Variants in ASMT observed in about 807,000 individuals in gnomAD.
The protein encoded by ASMT is acetylserotonin N-methyltransferase.
A neutral mutation model predicts 41.3 loss-of-function variants in ASMT; 53 were observed. That is an observed-to-expected ratio of 1.28 (90% CI 1.03 to 1.61). The LOEUF is 1.61. ASMT is among the 40% of genes most tolerant of loss of function. The probability of loss-of-function intolerance (pLI) is 0.00; values close to 1 mark genes in which losing one functional copy is unlikely to be tolerated. For synonymous variants in ASMT, 231 were observed against 184.8 expected (o/e 1.25, Z -2.03); for missense variants, 531 against 441.3 (o/e 1.20, Z -1.82).
intron 1 of ASMT, among the ~76,000 whole-genome samples, chrX:1,619,339 A>G (rs1934252448): frequency 6.7e-6 from 1 of 149,948 alleles, no homozygotes; most frequent in African/African-American, 2.5e-5. Context: ...GGTTGCAGTG[A>G]GCCGAGATCA....
chrX:1,632,187 T>G (rs140766336), intron 5 of ASMT, among the ~76,000 whole-genome samples: 3,424 of 152,208 alleles, frequency 0.022, 122 homozygotes, highest in African/African-American at 0.079. Context: ...ATCCTTCTCT[T>G]AGCTGTTGGC....
At chrX:1,621,054 C>T (rs1219299331) in intron 1 of ASMT, among the ~76,000 whole-genome samples, 1 of 152,038 alleles carries the variant, frequency 6.6e-6, no homozygotes, top group Non-Finnish European at 1.5e-5. Context: ...CGAGATTGCA[C>T]CGCTGCACTC....
intron 8 of ASMT, among the ~76,000 whole-genome samples, chrX:1,641,943 T>C (rs1935192593): frequency 7.0e-6 from 1 of 143,654 alleles, no homozygotes; most frequent in African/African-American, 2.6e-5. Flanking sequence ...TTGTGTGTGA[T>C]GGGGACAGTG....
At position 1,642,840 on chromosome X, in the gene ASMT, A is replaced by T. The variant is rs121918821; in HGVS notation, c.948A>T (p.Glu316Asp). ...TGGTAATTGAAAGCCTCCTGGATGA[A>T]GACAGGCGAGGTCCTCTGCTCACGC... The part of the protein sequence containing the change: ...GILVIESLLD[E>D]DRRGPLLTQL... Residue 316 changes from glutamate (E) to aspartate (D), a missense_variant, in exon 9 of 9, where the codon GAA becomes GAT. Physicochemically the swap from Glu to Asp is conservative, Grantham distance 45. Coordinates refer to ENST00000381241, the MANE Select transcript of ASMT (RefSeq NM_001171038.2). The T allele has an allele frequency of 1.8e-3, 2,852 of 1,613,908 alleles. 11 individuals are homozygous for T. The highest frequency in any genetic ancestry group is 2.5e-3 in the Admixed American group (153 of 60,016).
chrX:1,622,744 T>A (rs1313286245), intron 1 of ASMT, among the ~76,000 whole-genome samples: 1 of 151,040 alleles, frequency 6.6e-6, no homozygotes, highest in African/African-American at 2.4e-5. Context: ...AAACCCCATC[T>A]TTACTAAAAA....
intron 3 of ASMT, among the ~76,000 whole-genome samples, chrX:1,625,528 A>AGAGGGAAG (rs1569374304): frequency 1.0e-5 from 1 of 99,812 alleles, no homozygotes; most frequent in African/African-American, 4.0e-5. Flanking sequence ...GAGAGAGGGG[A>AGAGGGAAG]GAAGGAAGGA....
In ASMT at chrX:1,636,616, C is replaced by T. The variant is rs370056525; in HGVS notation, c.910+56C>T. 248 of 1,613,054 alleles carry T rather than the reference C, an allele frequency of 1.5e-4. 1 individual carries two copies. In the East Asian group the frequency reaches 2.5e-3, roughly 17 times the overall value. On this transcript the variant is annotated intron_variant, in intron 8 of 8. Coordinates refer to ENST00000381241, the MANE Select transcript of ASMT (RefSeq NM_001171038.2). ...GCTTGTGACACGGGGCAGAATTGTACGAGTCACATTTAGAAGGCAGGCACT... is the reference window on the plus strand; with the variant it reads ...GCTTGTGACACGGGGCAGAATTGTATGAGTCACATTTAGAAGGCAGGCACT...
chrX:1,616,408 G>T (rs754731856), intron 1 of ASMT, among the ~76,000 whole-genome samples: 1 of 151,380 alleles, frequency 6.6e-6, no homozygotes, highest in African/African-American at 2.4e-5. Context: ...CAAATCCTTC[G>T]AGGTGGAAAG....
chrX:1,637,084 A>AT (rs1569384611), intron 8 of ASMT, among the ~76,000 whole-genome samples: 1 of 88,040 alleles, frequency 1.1e-5, no homozygotes, highest in Non-Finnish European at 2.4e-5. Flanking sequence ...TCTGTGTGTG[A>AT]GATAAGGACT....
chrX:1,619,177 C>CCT (rs1934244734), intron 1 of ASMT, among the ~76,000 whole-genome samples: 2 of 151,996 alleles, frequency 1.3e-5, no homozygotes, highest in African/African-American at 2.4e-5. Context: ...GGGCGGATCA[C>CCT]AAGGTCAGGA....
At chrX:1,625,745 G>A (rs1699069733) in intron 3 of ASMT, among the ~76,000 whole-genome samples, 1 of 151,594 alleles carries the variant, frequency 6.6e-6, no homozygotes, top group Admixed American at 6.6e-5. Flanking sequence ...ACGAGGTCAG[G>A]AGATCGAGAC....
chrX:1,628,655 CCT>C (rs1294795391), intron 4 of ASMT, among the ~76,000 whole-genome samples: 2 of 150,180 alleles, frequency 1.3e-5, no homozygotes, highest in Non-Finnish European at 3.0e-5. Context: ...CTTCCATCCT[CCT>C]CTCTTTCTCT....
At chrX:1,621,268 C>A (rs1934329313) in intron 1 of ASMT, among the ~76,000 whole-genome samples, 1 of 152,162 alleles carries the variant, frequency 6.6e-6, no homozygotes, top group Non-Finnish European at 1.5e-5. Flanking sequence ...AGCCTTGGCA[C>A]CCATCCAAAA....
rs778820144 is a variant in ASMT, at chrX:1,642,879, G to C, written c.987G>C (p.Leu329=). ...CTCTGCTCACGCAGCTCTACTCTCT[G>C]AACATGCTTGTGCAGACGGAAGGGC... The part of the protein sequence containing the change: ...RGPLLTQLYS[L]NMLVQTEGQE... The change falls in exon 9 of 9, where the codon CTG becomes CTC. Residue 329 remains leucine (L), a synonymous_variant. Coordinates refer to ENST00000381241, the MANE Select transcript of ASMT (RefSeq NM_001171038.2). 3 of 1,613,980 alleles carry C rather than the reference G, an allele frequency of 1.9e-6. No individual in the cohort carries two copies. The South Asian group carries it at 3.3e-5, about 18-fold the overall frequency.
Position 1,615,059 on chromosome X carries a change from G to C in ASMT, c.-141G>C, listed in dbSNP as rs1934025638. 2 of 743,668 alleles carry C rather than the reference G, an allele frequency of 2.7e-6. No individual in the cohort carries two copies. Among genetic ancestry groups the C allele is most frequent in the East Asian group, 2.7e-5 (1 of 37,354 alleles). The allele number at this position is 743,668 out of a possible 1,614,324, so 46.1% of individuals were successfully genotyped here. A position where few individuals can be genotyped will look rare whatever the true frequency, so the allele number is the denominator to read the frequency against. On this transcript the variant is annotated 5_prime_UTR_variant, in exon 1 of 9. Transcript: ENST00000381241. ...CAAATTTCTAGAGTGATCCGTCTTT[G>C]TTTGAGTACTGGGCAGGCAGCAGGG...
intron 3 of ASMT, among the ~76,000 whole-genome samples, chrX:1,627,123 G>A (rs186825385): frequency 3.4e-4 from 50 of 148,116 alleles, no homozygotes; most frequent in African/African-American, 1.1e-3. Flanking sequence ...TCAGGAGTTC[G>A]AGACCAGCCT....
chrX:1,642,501 C>T (rs867956307), intron 8 of ASMT, among the ~76,000 whole-genome samples: 14 of 150,114 alleles, frequency 9.3e-5, no homozygotes, highest in Non-Finnish European at 1.5e-4. Flanking sequence ...GATGTGGGCA[C>T]AGCCTCTGTG....
At chrX:1,629,614 T>C (rs1934693450) in intron 4 of ASMT, among the ~76,000 whole-genome samples, 1 of 152,174 alleles carries the variant, frequency 6.6e-6, no homozygotes, top group Non-Finnish European at 1.5e-5. Context: ...CTGAATCAAC[T>C]CCAGGTTTCC....
chrX:1,630,714 A>G (rs1164177883), intron 5 of ASMT, among the ~76,000 whole-genome samples: 1 of 151,484 alleles, frequency 6.6e-6, no homozygotes, highest in East Asian at 1.9e-4. Context: ...CTGCCGCCAC[A>G]CCTAGCTCAT....
Sources: gnomAD v4.1 joint callset for allele counts (sites outside exome capture counted in the v4.1 genomes callset) on GRCh38, gnomAD v4.1.1 for gene constraint, MANE v1.5 for transcripts, NCBI Gene and HGNC (gene_info 2026-07-23, HGNC 2026-07-21) for gene names.